The following MED27 variants were observed in gnomAD, a reference collection of about 807,000 sequenced individuals.
MED27 encodes the protein mediator of RNA polymerase II transcription subunit 27.
A neutral mutation model predicts 38.2 loss-of-function variants in MED27; 30 were observed. That is an observed-to-expected ratio of 0.79 (90% CI 0.59 to 1.07). The LOEUF is 1.07. MED27 is among the 50% of genes least tolerant of loss of function. MED27 has a pLI of 0.00. For synonymous variants in MED27, 122 were observed against 153.5 expected (o/e 0.79, Z 1.52); for missense variants, 289 against 397.5 (o/e 0.73, Z 2.32).
intron 3 of MED27, among the ~76,000 whole-genome samples, chr9:131,996,711 G>T (rs1029583521): frequency 2.6e-5 from 4 of 152,104 alleles, no homozygotes; most frequent in African/African-American, 9.7e-5. Flanking sequence ...CTTAAATATT[G>T]AGATTTTCTT....
chr9:131,978,141 T>C (rs1831649288), intron 3 of MED27, among the ~76,000 whole-genome samples: 1 of 152,012 alleles, frequency 6.6e-6, no homozygotes, highest in African/African-American at 2.4e-5. Flanking sequence ...AGCCACCAAA[T>C]CTACAGTATA....
chr9:131,956,474 A>G (rs1338440842), intron 3 of MED27, among the ~76,000 whole-genome samples: 2 of 152,060 alleles, frequency 1.3e-5, no homozygotes, highest in South Asian at 2.1e-4. Flanking sequence ...ATATTAGCCA[A>G]GCATGATGGC....
intron 2 of MED27, among the ~76,000 whole-genome samples, chr9:132,018,449 C>G (rs965225954): frequency 1.3e-5 from 2 of 152,220 alleles, no homozygotes; most frequent in African/African-American, 4.8e-5. Flanking sequence ...TGAGCAATCA[C>G]CCCTCTCCCG....
At chr9:131,988,033 T>C (rs1831890921) in intron 3 of MED27, among the ~76,000 whole-genome samples, 1 of 152,246 alleles carries the variant, frequency 6.6e-6, no homozygotes, top group African/African-American at 2.4e-5. Flanking sequence ...TTTTTAGGTT[T>C]ACAGTTTTTA....
chr9:132,021,369 A>T (rs1832712950), intron 2 of MED27, among the ~76,000 whole-genome samples: 1 of 152,240 alleles, frequency 6.6e-6, no homozygotes, highest in East Asian at 1.9e-4. Context: ...GAATTCACTA[A>T]CAAAGCAAAC....
chr9:132,043,898 T>C (rs946414337), intron 2 of MED27, among the ~76,000 whole-genome samples: 6 of 152,328 alleles, frequency 3.9e-5, no homozygotes, highest in African/African-American at 1.4e-4. Flanking sequence ...TGGCAAAGAC[T>C]GTCTTCTCAT....
At chr9:131,904,539 C>CG (rs1491198834) in intron 4 of MED27, among the ~76,000 whole-genome samples, 3 of 150,508 alleles carry the variant, frequency 2.0e-5, no homozygotes, top group Non-Finnish European at 4.4e-5. Context: ...AAATAGAGAT[C>CG]GGGGGGGAGC....
intron 4 of MED27, among the ~76,000 whole-genome samples, chr9:131,928,461 T>C (rs1830521449): frequency 6.6e-6 from 1 of 152,214 alleles, no homozygotes; most frequent in Admixed American, 6.5e-5. Flanking sequence ...AAAGAGGCAT[T>C]GAAAAGAGGA....
At chr9:131,932,825 A>G (rs1347747673) in intron 4 of MED27, among the ~76,000 whole-genome samples, 5 of 152,164 alleles carry the variant, frequency 3.3e-5, no homozygotes, top group African/African-American at 1.2e-4. Context: ...AAAGAAAACT[A>G]TAGGCCAATA....
chr9:131,989,317 A>G (rs1831921980), intron 3 of MED27, among the ~76,000 whole-genome samples: 2 of 152,170 alleles, frequency 1.3e-5, no homozygotes, highest in African/African-American at 4.8e-5. Context: ...GTCTGGTTCT[A>G]ATATTTTGCC....
chr9:131,922,635 C>T (rs1445282051), intron 4 of MED27, among the ~76,000 whole-genome samples: 7 of 150,870 alleles, frequency 4.6e-5, no homozygotes, highest in African/African-American at 9.7e-5. Flanking sequence ...TTATTTTTTT[C>T]TTTTCTTTTA....
rs144331965 is a variant in MED27, at chr9:132,000,206, T to C, written c.479+14131A>G. On this transcript the variant is annotated intron_variant, in intron 3 of 7. Coordinates refer to ENST00000292035, the MANE Select transcript of MED27 (RefSeq NM_004269.4). The stretch of plus-strand genomic sequence containing the variant: ...TGGAAAAAAAGCCTTAGCCTTTTTC[T>C]GCACTTCACCAAAGATATACGGATG... Among the ~76,000 whole-genome samples, 1,349 of 152,180 alleles carry C rather than the reference T, an allele frequency of 8.9e-3. 10 individuals carry two copies. Among genetic ancestry groups the C allele is most frequent in the Non-Finnish European group, 0.014 (952 of 68,006 alleles).
At chr9:131,951,066 C>A (rs1469443476) in intron 3 of MED27, among the ~76,000 whole-genome samples, 1 of 152,142 alleles carries the variant, frequency 6.6e-6, no homozygotes, top group Non-Finnish European at 1.5e-5. Context: ...TGATGACAAA[C>A]GGAAAGTAAC....
At chr9:131,959,105 C>G (rs746080895) in intron 3 of MED27, among the ~76,000 whole-genome samples, 5 of 152,164 alleles carry the variant, frequency 3.3e-5, no homozygotes, top group Non-Finnish European at 7.4e-5. Flanking sequence ...ATTAATAAAA[C>G]AGGAAGACAG....
At chr9:132,042,878 A>G (rs1833248510) in intron 2 of MED27, among the ~76,000 whole-genome samples, 1 of 152,224 alleles carries the variant, frequency 6.6e-6, no homozygotes, top group Non-Finnish European at 1.5e-5. Flanking sequence ...AGAGGTGATC[A>G]CGTACCAATT....
chr9:131,884,227 C>A (rs2131485927), intron 5 of MED27, 128 bp from the exon 6 acceptor site: 1 of 617,776 alleles, frequency 1.6e-6, no homozygotes, highest in South Asian at 3.5e-5. Context: ...ATAATAGGAT[C>A]TCAGGGTTGA....
chr9:131,921,233 T>G (rs970937401), intron 4 of MED27, among the ~76,000 whole-genome samples: 1 of 152,180 alleles, frequency 6.6e-6, no homozygotes, highest in African/African-American at 2.4e-5. Context: ...AGCACTACCC[T>G]GCACCTGCCG....
intron 4 of MED27, among the ~76,000 whole-genome samples, chr9:131,925,747 G>A (rs1479662403): frequency 2.0e-5 from 3 of 152,200 alleles, no homozygotes; most frequent in Non-Finnish European, 2.9e-5. Context: ...GAGAGAGAAT[G>A]ATAAACACGC....
chr9:132,009,083 T>C (rs1280554441), intron 3 of MED27, among the ~76,000 whole-genome samples: 3 of 152,170 alleles, frequency 2.0e-5, no homozygotes, highest in Non-Finnish European at 2.9e-5. Flanking sequence ...ACTTGGTCCA[T>C]GTTGCTATGA....
Sources: gnomAD v4.1 joint callset for allele counts (sites outside exome capture counted in the v4.1 genomes callset) on GRCh38, gnomAD v4.1.1 for gene constraint, MANE v1.5 for transcripts, NCBI Gene and HGNC (gene_info 2026-07-23, HGNC 2026-07-21) for gene names.